FIBCD1: variants seen among roughly 807,000 people sequenced by gnomAD.
FIBCD1 encodes the protein fibrinogen C domain containing 1, also known as fibrinogen C domain-containing protein 1.
Under a neutral mutation model 45.1 loss-of-function variants are expected in FIBCD1, and 47 were observed. That is an observed-to-expected ratio of 1.04 (90% confidence interval 0.82 to 1.33). The LOEUF (loss-of-function observed/expected upper bound fraction) is 1.33, where lower values mean the gene tolerates loss of function less well. Ranked by LOEUF, FIBCD1 falls within the 40% of genes most tolerant of loss-of-function variation. FIBCD1 has a pLI of 0.00. For missense variants in FIBCD1, 653 were observed against 682.2 expected (o/e 0.96, Z 0.48); for synonymous variants, 313 against 308.1 (o/e 1.02, Z -0.17).
intron 5 of FIBCD1, among the ~76,000 whole-genome samples, chr9:130,908,818 G>A (rs56840271): frequency 0.12 from 19,003 of 152,130 alleles, 2,009 homozygotes; most frequent in African/African-American, 0.28. Context: ...ACCAGGGCAC[G>A]GCAGGTCAGA....
At position 130,922,551 on chromosome 9, in the gene FIBCD1, A is replaced by G. The variant is rs1414846460; in HGVS notation, c.849+1193T>C. On this transcript the variant is annotated intron_variant, in intron 4 of 6. Coordinates refer to ENST00000372338, the MANE Select transcript of FIBCD1 (RefSeq NM_032843.5). The surrounding 1 kb of genome is among the most constrained non-coding windows in gnomAD (Gnocchi z 4.5). ...GACAGGGCCAGAGCGTGGAACCTCCAGGCTCCCCGCCTCTCTGACATCTGC... is the reference window on the plus strand; with the variant it reads ...GACAGGGCCAGAGCGTGGAACCTCCGGGCTCCCCGCCTCTCTGACATCTGC... 1.3e-5 allele frequency among the ~76,000 whole-genome samples: 2 copies of G among 152,076 alleles called. No homozygotes were observed. The highest frequency in any genetic ancestry group is 4.2e-4 in the South Asian group (2 of 4,800).
Position 130,903,884 on chromosome 9 carries a change from G to T in FIBCD1, c.*180C>A. ...GCCAAATGGAGGGGGTGGGGACGGC[G>T]AGAAGGCGATGTGTGACTTCACCGG... On this transcript the variant is annotated 3_prime_UTR_variant, in exon 7 of 7. Transcript: ENST00000372338. 1 of 775,770 alleles carries T rather than the reference G, an allele frequency of 1.3e-6. No individual in the cohort carries two copies. Among genetic ancestry groups the T allele is most frequent in the Non-Finnish European group, 2.2e-6 (1 of 454,684 alleles). 48.1% of individuals were successfully genotyped at this position (775,770 alleles called of 1,614,324 possible).
In FIBCD1 at chr9:130,903,662, G is replaced by C. The variant is rs550830133; in HGVS notation, c.*402C>G. The C allele has an allele frequency of 2.9e-6, 1 of 349,834 alleles. No individual in the cohort carries two copies. Among genetic ancestry groups the C allele is most frequent in the Non-Finnish European group, 5.5e-6 (1 of 180,442 alleles). The allele number at this position is 349,834 out of a possible 1,614,324, so 21.7% of individuals were successfully genotyped here. Reference sequence around the variant, plus strand: ...CCCACGATCTGCTAGGAGGACTCCAGGGGTGCTGTCTGCCCCCTGCTCTCT... The same window carrying C: ...CCCACGATCTGCTAGGAGGACTCCACGGGTGCTGTCTGCCCCCTGCTCTCT... On this transcript the variant is annotated 3_prime_UTR_variant, in exon 7 of 7. Coordinates refer to ENST00000372338, the MANE Select transcript of FIBCD1 (RefSeq NM_032843.5).
chr9:130,907,059 G>T (rs1024714870), intron 5 of FIBCD1, among the ~76,000 whole-genome samples: 2 of 152,204 alleles, frequency 1.3e-5, no homozygotes, highest in African/African-American at 2.4e-5. Flanking sequence ...AATCCCTGCT[G>T]CTATTCAGAC....
rs182955084 is a variant in FIBCD1, at chr9:130,926,730, G to A, written c.553-2334C>T. 2.1e-3 allele frequency among the ~76,000 whole-genome samples: 320 copies of A among 152,330 alleles called. No homozygotes were observed. Among genetic ancestry groups the A allele is most frequent in the Non-Finnish European group, 3.7e-3 (249 of 68,034 alleles). On this transcript the variant is annotated intron_variant, in intron 2 of 6. Coordinates refer to ENST00000372338, the MANE Select transcript of FIBCD1 (RefSeq NM_032843.5). This position sits in a 1 kb window ranked among gnomAD's most constrained non-coding sequence, Gnocchi z 4.1. ...CCAGCTACTCAGGAGGCTGAGGCAG[G>A]AGAATCGCTTGAACCTGGGAGGCGG...
At chr9:130,912,346 C>T (rs1326827813) in intron 4 of FIBCD1, among the ~76,000 whole-genome samples, 8 of 142,452 alleles carry the variant, frequency 5.6e-5, no homozygotes, top group Non-Finnish European at 8.9e-5. Flanking sequence ...GTTAAAGCTG[C>T]AGTGAGCTAT....
rs112090898 is a variant in FIBCD1, at chr9:130,926,262, C to T, written c.553-1866G>A. ...CAACGCACTAAAAAAAACTCAGGCA[C>T]GGCCTCCTCCCTCTTGCTAACGGGC... On this transcript the variant is annotated intron_variant, in intron 2 of 6. Transcript: ENST00000372338. The surrounding 1 kb of genome is among the most constrained non-coding windows in gnomAD (Gnocchi z 4.1). 3.3e-5 allele frequency among the ~76,000 whole-genome samples: 5 copies of T among 152,362 alleles called. No individual in the cohort carries two copies. In the South Asian group the frequency reaches 1.0e-3, roughly 32 times the overall value.
In FIBCD1 at chr9:130,903,916, G is replaced by A. The variant is rs769293495; in HGVS notation, c.*148C>T. The A allele has an allele frequency of 4.9e-6, 5 of 1,029,280 alleles. No homozygotes were observed. Among genetic ancestry groups the A allele is most frequent in the South Asian group, 1.4e-5 (1 of 72,056 alleles). 63.8% of individuals were successfully genotyped at this position (1,029,280 alleles called of 1,614,324 possible). ...CGATGTGTGACTTCACCGGCCCAGGGAGCTTCGTGTCAGGGATGGCCCGGC... is the reference window on the plus strand; with the variant it reads ...CGATGTGTGACTTCACCGGCCCAGGAAGCTTCGTGTCAGGGATGGCCCGGC... On this transcript the variant is annotated 3_prime_UTR_variant, in exon 7 of 7. Transcript: ENST00000372338.
intron 4 of FIBCD1, among the ~76,000 whole-genome samples, chr9:130,913,417 G>A (rs1237191383): frequency 2.0e-5 from 3 of 152,364 alleles, no homozygotes; most frequent in African/African-American, 2.4e-5. Flanking sequence ...GGAACTGCCC[G>A]GATGCCCGGT....
chr9:130,917,368 G>C (rs564488058), intron 4 of FIBCD1, among the ~76,000 whole-genome samples: 66 of 152,360 alleles, frequency 4.3e-4, no homozygotes, highest in African/African-American at 1.5e-3. Context: ...GCTTAGAGGG[G>C]CTCTGCCAAG....
intron 4 of FIBCD1, among the ~76,000 whole-genome samples, chr9:130,918,431 C>T (rs1034294492): frequency 3.9e-5 from 6 of 152,164 alleles, no homozygotes; most frequent in Non-Finnish European, 5.9e-5. Flanking sequence ...TGCCTTAGAA[C>T]GGCCCCCTGG....
intron 4 of FIBCD1, among the ~76,000 whole-genome samples, chr9:130,917,711 A>G (rs1180920863): frequency 6.6e-6 from 1 of 152,138 alleles, no homozygotes; most frequent in Admixed American, 6.5e-5. Context: ...TGGTCACCCT[A>G]GCACCCGGCC....
upstream of FIBCD1, among the ~76,000 whole-genome samples, chr9:130,939,764 C>G (rs1318004439): frequency 6.6e-6 from 1 of 152,154 alleles, no homozygotes; most frequent in Non-Finnish European, 1.5e-5. Context: ...TCTTAGTTGC[C>G]CCTTCCCACC....
intron 5 of FIBCD1, among the ~76,000 whole-genome samples, chr9:130,906,739 G>T (rs1173753251): frequency 1.3e-5 from 2 of 152,202 alleles, no homozygotes; most frequent in Admixed American, 1.3e-4. Flanking sequence ...GACAACAGCC[G>T]CCACCTGGAC....
chr9:130,928,481 C>T (rs903238347), intron 2 of FIBCD1, among the ~76,000 whole-genome samples: 9 of 152,220 alleles, frequency 5.9e-5, no homozygotes, highest in African/African-American at 1.9e-4. Flanking sequence ...AGCTGGAAGG[C>T]GGTCTAAACA....
intron 4 of FIBCD1, among the ~76,000 whole-genome samples, chr9:130,917,540 C>G (rs539784973): frequency 6.6e-6 from 1 of 152,168 alleles, no homozygotes. Flanking sequence ...GCCTGGGGAC[C>G]GAGGGAGGCG....
At chr9:130,911,956 C>T in intron 4 of FIBCD1, 68 bp from the exon 5 acceptor site, 2 of 1,422,864 alleles carry the variant, frequency 1.4e-6, no homozygotes, top group South Asian at 1.2e-5. Context: ...CACCTGGGCC[C>T]ACCCCGCCCA....
intron 1 of FIBCD1, among the ~76,000 whole-genome samples, chr9:130,930,366 A>G (rs1294055655): frequency 6.7e-6 from 1 of 148,294 alleles, no homozygotes. Context: ...AGGGAGACAC[A>G]GGGAGACGCA....
intron 4 of FIBCD1, among the ~76,000 whole-genome samples, chr9:130,917,042 G>A (rs915223924): frequency 1.3e-5 from 2 of 152,330 alleles, no homozygotes; most frequent in African/African-American, 2.4e-5. Flanking sequence ...AGGTTGCAGC[G>A]AGCCAAGATC....
Sources: gnomAD v4.1 joint callset for allele counts (sites outside exome capture counted in the v4.1 genomes callset) on GRCh38, gnomAD v4.1.1 for gene constraint, Gnocchi (gnomAD v3.1) non-coding constraint, MANE v1.5 for transcripts, NCBI Gene and HGNC (gene_info 2026-07-23, HGNC 2026-07-21) for gene names.